ABCA1: variants seen among roughly 807,000 people sequenced by gnomAD.
The protein encoded by ABCA1 is ATP binding cassette subfamily A member 1.
Under a neutral mutation model 262.5 loss-of-function variants are expected in ABCA1, and 133 were observed. The observed-to-expected ratio is 0.51, with a 90% CI of 0.44 to 0.59. The LOEUF is 0.59. Among genes scored for constraint, ABCA1 ranks in the 20% least tolerant of loss-of-function variants. The pLI, the probability that ABCA1 is intolerant of heterozygous loss-of-function variation, is 0.00. For synonymous variants in ABCA1, 1,022 were observed against 1,043.5 expected (o/e 0.98, Z 0.40); for missense variants, 2,452 against 2,777.5 (o/e 0.88, Z 2.63).
At chr9:104,859,176 C>CT (rs1166186237) in intron 6 of ABCA1, among the ~76,000 whole-genome samples, 1 of 152,084 alleles carries the variant, frequency 6.6e-6, no homozygotes, top group African/African-American at 2.4e-5. Flanking sequence ...AGACACAGAA[C>CT]TATGTTCTAA....
chr9:104,913,397 T>C (rs1460356945), intron 1 of ABCA1, among the ~76,000 whole-genome samples: 1 of 152,218 alleles, frequency 6.6e-6, no homozygotes, highest in African/African-American at 2.4e-5. Context: ...AAAATAGAAC[T>C]GATAATGTAT....
intron 17 of ABCA1, among the ~76,000 whole-genome samples, chr9:104,825,257 T>C (rs559790124): frequency 1.7e-4 from 26 of 152,306 alleles, no homozygotes; most frequent in African/African-American, 3.8e-4. Context: ...TGGGTGAGCA[T>C]TGGGAGGATT....
chr9:104,848,481 G>A (rs1835086769), intron 7 of ABCA1, among the ~76,000 whole-genome samples: 2 of 152,084 alleles, frequency 1.3e-5, no homozygotes, highest in African/African-American at 4.8e-5. Flanking sequence ...CAGGCATGGT[G>A]GCATGTGCTT....
Position 104,785,651 on chromosome 9 carries a change from A to G in ABCA1, c.6402-12T>C. 6.2e-7 allele frequency: 1 copy of G among 1,613,742 alleles called. No individual in the cohort carries two copies. Among genetic ancestry groups the G allele is most frequent in the East Asian group, 2.2e-5 (1 of 44,882 alleles). On this transcript the variant is annotated splice_polypyrimidine_tract_variant and intron_variant, in intron 48 of 49. Coordinates refer to ENST00000374736, the MANE Select transcript of ABCA1 (RefSeq NM_005502.4). ...AACCATCTCCAAACCTGAAAGCAGGAAAAAATACCCAAATGGAGGATCTCC... is the reference window on the plus strand; with the variant it reads ...AACCATCTCCAAACCTGAAAGCAGGGAAAAATACCCAAATGGAGGATCTCC...
At chr9:104,853,160 A>G (rs1835526118) in intron 7 of ABCA1, among the ~76,000 whole-genome samples, 1 of 152,184 alleles carries the variant, frequency 6.6e-6, no homozygotes, top group Admixed American at 6.5e-5. Context: ...GGAATGTGCT[A>G]GGCACACTGG....
At chr9:104,885,779 T>G (rs1839120541) in intron 3 of ABCA1, among the ~76,000 whole-genome samples, 1 of 152,258 alleles carries the variant, frequency 6.6e-6, no homozygotes, top group African/African-American at 2.4e-5. Flanking sequence ...TGTTCAGGTA[T>G]GGACAGAAAG....
At chr9:104,861,407 G>A in intron 6 of ABCA1, 1 of 595,062 alleles carries the variant, frequency 1.7e-6, no homozygotes, top group Non-Finnish European at 3.0e-6. Context: ...TGTATCCCTT[G>A]TAGGAGGAAA....
chr9:104,835,999 A>G (rs1833784555), intron 11 of ABCA1, among the ~76,000 whole-genome samples: 1 of 152,210 alleles, frequency 6.6e-6, no homozygotes, highest in Non-Finnish European at 1.5e-5. Context: ...GTCTGAAACC[A>G]CACTTAGGTC....
Position 104,822,785 on chromosome 9 carries a change from T to G in ABCA1, c.2657-118A>C, listed in dbSNP as rs925867137. On this transcript the variant is annotated intron_variant, in intron 18 of 49. Transcript: ENST00000374736. The stretch of plus-strand genomic sequence containing the variant: ...TGCCTTCTCTCCATGTCCACCCTGG[T>G]TTCTCAGGCAGGCAGGAGGCTATAA... 2.9e-5 allele frequency: 34 copies of G among 1,191,138 alleles called. No individual in the cohort carries two copies. In the African/African-American group the frequency reaches 3.8e-4, roughly 13 times the overall value. 73.8% of individuals were successfully genotyped at this position (1,191,138 alleles called of 1,614,324 possible).
rs1462438448 is a variant in ABCA1 at position 104,817,608 on chromosome 9, AG to A, written c.3463-205del. Among the ~76,000 whole-genome samples, 8 of 152,298 alleles carry A rather than the reference AG, an allele frequency of 5.3e-5. No individual in the cohort carries two copies. Among genetic ancestry groups the A allele is most frequent in the Admixed American group, 5.2e-4 (8 of 15,308 alleles). ...GCCGTGTGAACAGCCTCGCTTCCTGAGGGTGAAAGGTCAGGAAGCAGAGCTG... is the reference window on the plus strand; with the variant it reads ...GCCGTGTGAACAGCCTCGCTTCCTGAGGTGAAAGGTCAGGAAGCAGAGCTG... On this transcript the variant is annotated intron_variant, in intron 23 of 49. Transcript: ENST00000374736. The surrounding 1 kb of genome is among the most constrained non-coding windows in gnomAD (Gnocchi z 4.7).
Position 104,889,087 on chromosome 9 carries a change from T to A in ABCA1, c.160+15A>T, listed in dbSNP as rs945233011. 1 of 1,610,730 alleles carries A rather than the reference T, an allele frequency of 6.2e-7. No homozygotes were observed. Among genetic ancestry groups the A allele is most frequent in the African/African-American group, 1.3e-5 (1 of 74,962 alleles). ...TGCCATTGGTGAGTCTCAGGCAACA[T>A]CCACAGTTACTTACATTCATGTTGT... is the stretch of plus-strand genomic sequence containing the variant. On this transcript the variant is annotated intron_variant, in intron 3 of 49. Transcript: ENST00000374736.
chr9:104,807,229 C>T (rs1830848310), intron 30 of ABCA1, among the ~76,000 whole-genome samples: 1 of 152,110 alleles, frequency 6.6e-6, no homozygotes, highest in Non-Finnish European at 1.5e-5. Flanking sequence ...TTTATGTTCT[C>T]AAATGAGTAG....
chr9:104,792,910 G>T lies in ABCA1; in HGVS notation c.5637-4C>A, dbSNP rs760811804. The stretch of plus-strand genomic sequence containing the variant: ...AGATAGCTTTGCATTTACAGGTCTT[G>T]GGGGAAAAAACAAGAAAAATGAACC... On this transcript the variant is annotated splice_polypyrimidine_tract_variant and splice_region_variant and intron_variant, in intron 41 of 49. Transcript: ENST00000374736. 1 of 1,613,100 alleles carries T rather than the reference G, an allele frequency of 6.2e-7. No homozygotes were observed. The highest frequency in any genetic ancestry group is 1.1e-5 in the South Asian group (1 of 91,058).
At chr9:104,806,113 A>G in intron 31 of ABCA1, 128 bp downstream of exon 31, 1 of 1,076,890 alleles carries the variant, frequency 9.3e-7, no homozygotes, top group Non-Finnish European at 1.3e-6. Context: ...TCAGAAAAAA[A>G]AACAAAAAAC....
intron 7 of ABCA1, among the ~76,000 whole-genome samples, chr9:104,848,852 C>T (rs1038710552): frequency 1.3e-5 from 2 of 152,112 alleles, no homozygotes; most frequent in African/African-American, 4.8e-5. Context: ...GAAGAGGCCA[C>T]TCGGTTCACC....
chr9:104,864,281 G>A (rs1372919787), intron 5 of ABCA1, among the ~76,000 whole-genome samples: 11 of 152,102 alleles, frequency 7.2e-5, no homozygotes, highest in Non-Finnish European at 4.4e-5. Context: ...GAAGAGCCCA[G>A]GGATGTCAGG....
intron 7 of ABCA1, among the ~76,000 whole-genome samples, chr9:104,853,346 C>G (rs1006579064): frequency 6.6e-6 from 1 of 152,228 alleles, no homozygotes; most frequent in Non-Finnish European, 1.5e-5. Context: ...CTAGCTCATT[C>G]AACCCCACAT....
chr9:104,829,616 A>G (rs1833084459), intron 14 of ABCA1, among the ~76,000 whole-genome samples: 1 of 152,170 alleles, frequency 6.6e-6, no homozygotes, highest in African/African-American at 2.4e-5. Context: ...AAAAAGGCAC[A>G]CAGATTTTGG....
rs140239226 is a variant in ABCA1 at position 104,842,751 on chromosome 9, C to A, written c.814-2232G>T. On this transcript the variant is annotated intron_variant, in intron 8 of 49. Coordinates refer to ENST00000374736, the MANE Select transcript of ABCA1 (RefSeq NM_005502.4). Reference sequence around the variant, plus strand: ...TCCTTTGTCCTCCCTTTCCCCCATCCCAGTCTCTTCTCAACCCAACAACCA... The same window carrying A: ...TCCTTTGTCCTCCCTTTCCCCCATCACAGTCTCTTCTCAACCCAACAACCA... Among the ~76,000 whole-genome samples the A allele has an allele frequency of 3.9e-4, 59 of 152,252 alleles. No homozygotes were observed. In the East Asian group the frequency reaches 0.011, roughly 29 times the overall value.
Sources: gnomAD v4.1 joint callset for allele counts (sites outside exome capture counted in the v4.1 genomes callset) on GRCh38, gnomAD v4.1.1 for gene constraint, Gnocchi (gnomAD v3.1) non-coding constraint, MANE v1.5 for transcripts, NCBI Gene and HGNC (gene_info 2026-07-23, HGNC 2026-07-21) for gene names.